EIF2A: variants seen among roughly 807,000 people sequenced by gnomAD.
The protein encoded by EIF2A is eukaryotic translation initiation factor 2A, also known as 65 kDa eukaryotic translation initiation factor 2A.
EIF2A carries 62 observed loss-of-function variants against 75.2 expected under a neutral mutation model. The observed-to-expected ratio is 0.82, with a 90% CI of 0.67 to 1.02. The LOEUF (loss-of-function observed/expected upper bound fraction) is 1.02, where lower values mean the gene tolerates loss of function less well. Ranked by LOEUF, EIF2A falls within the 50% of genes least tolerant of loss-of-function variation. The probability of loss-of-function intolerance (pLI) is 0.00; values close to 1 mark genes in which losing one functional copy is unlikely to be tolerated. For synonymous variants in EIF2A, 207 were observed against 239.0 expected (o/e 0.87, Z 1.23); for missense variants, 611 against 677.7 (o/e 0.90, Z 1.09).
At chr3:150,548,801 T>A (rs1214037836) in intron 1 of EIF2A, among the ~76,000 whole-genome samples, 3 of 152,236 alleles carry the variant, frequency 2.0e-5, no homozygotes, top group Non-Finnish European at 4.4e-5. Context: ...TTCAGTCTAC[T>A]CTTCATATTC....
intron 3 of EIF2A, among the ~76,000 whole-genome samples, chr3:150,562,049 G>A (rs1723900887): frequency 6.6e-6 from 1 of 151,948 alleles, no homozygotes. Context: ...GTGAGCGACT[G>A]CACCTGGCCC....
chr3:150,568,650 G>A (rs946075287), intron 9 of EIF2A, among the ~76,000 whole-genome samples: 46 of 152,090 alleles, frequency 3.0e-4, no homozygotes, highest in Middle Eastern at 3.4e-3. Flanking sequence ...ATGGTGGCTC[G>A]TGCCAGTAAT....
At chr3:150,558,005 C>A (rs770519735) in intron 2 of EIF2A, among the ~76,000 whole-genome samples, 3 of 152,160 alleles carry the variant, frequency 2.0e-5, no homozygotes, top group African/African-American at 7.2e-5. Context: ...ATCTTCACTT[C>A]GGAGATACAG....
intron 12 of EIF2A, among the ~76,000 whole-genome samples, chr3:150,582,278 G>T (rs879733845): frequency 1.6e-4 from 24 of 151,776 alleles, no homozygotes; most frequent in Non-Finnish European, 2.5e-4. Flanking sequence ...TGGGATTTGT[G>T]AGCCTCCTCG....
At chr3:150,581,545 C>G (rs1559887255) in intron 11 of EIF2A, 73 bp from the exon 12 acceptor site, 1 of 1,492,694 alleles carries the variant, frequency 6.7e-7, no homozygotes, top group African/African-American at 1.4e-5. Context: ...TTTCATATGC[C>G]AAAGCTATGT....
chr3:150,554,676 CA>C (rs1307989399), intron 2 of EIF2A, among the ~76,000 whole-genome samples: 2 of 152,200 alleles, frequency 1.3e-5, no homozygotes, highest in African/African-American at 4.8e-5. Flanking sequence ...AGATGATCAT[CA>C]AAAGATGCTG....
chr3:150,583,903 G>A lies in EIF2A; in HGVS notation c.1750G>A (p.Gly584Ser), dbSNP rs1725331049. 3.1e-6 allele frequency: 5 copies of A among 1,613,310 alleles called. No individual in the cohort carries two copies. Among genetic ancestry groups the A allele is most frequent in the Non-Finnish European group, 8.5e-7 (1 of 1,179,654 alleles). ...CCAGGAGCTGGAAGATTTGGAATTGGGTATTTAAAGATTCACGGAAAGCAA... is the reference window on the plus strand; with the variant it reads ...CCAGGAGCTGGAAGATTTGGAATTGAGTATTTAAAGATTCACGGAAAGCAA... ...LLQELEDLEL[G>S]I is the part of the protein sequence containing the mutation. Residue 584 changes from glycine (G) to serine (S), a missense_variant, in exon 14 of 14, where the codon GGT becomes AGT. Coordinates refer to ENST00000460851, the MANE Select transcript of EIF2A (RefSeq NM_032025.5).
At chr3:150,567,604 T>A in intron 6 of EIF2A, 89 bp from the exon 7 acceptor site, 2 of 902,840 alleles carry the variant, frequency 2.2e-6, no homozygotes, top group Non-Finnish European at 1.7e-6. Flanking sequence ...TGGTGTGTAG[T>A]TATAGTGATC....
Position 150,547,872 on chromosome 3 carries a change from T to C in EIF2A, c.28+1042T>C, listed in dbSNP as rs1032538091. On this transcript the variant is annotated intron_variant, in intron 1 of 13. Coordinates refer to ENST00000460851, the MANE Select transcript of EIF2A (RefSeq NM_032025.5). ...TAGATAATATACCAGGCAAAGACTG[T>C]TTAAAAGGCAAAGTTACATAATAAA... 1.6e-4 allele frequency among the ~76,000 whole-genome samples: 25 copies of C among 152,234 alleles called. 1 individual carries two copies.
rs1319357366 is a variant in EIF2A at position 150,585,892 on chromosome 3, T to C, written c.*1981T>C. 6.6e-6 allele frequency among the ~76,000 whole-genome samples: 1 copy of C among 152,196 alleles called. No homozygotes were observed. The highest frequency in any genetic ancestry group is 2.4e-5 in the African/African-American group (1 of 41,454). On this transcript the variant is annotated 3_prime_UTR_variant, in exon 14 of 14. Coordinates refer to ENST00000460851, the MANE Select transcript of EIF2A (RefSeq NM_032025.5). ...TGTCTCTTTGGGCCATGTGAAGACATGGTGAGAAAGCAGCCAGCTGTAAGC... is the reference window on the plus strand; with the variant it reads ...TGTCTCTTTGGGCCATGTGAAGACACGGTGAGAAAGCAGCCAGCTGTAAGC...
At chr3:150,547,623 G>A (rs1723113610) in intron 1 of EIF2A, among the ~76,000 whole-genome samples, 1 of 152,138 alleles carries the variant, frequency 6.6e-6, no homozygotes, top group South Asian at 2.1e-4. Context: ...TAACTATATA[G>A]AAGGAAAAAG....
chr3:150,571,443 T>C (rs993858560), intron 9 of EIF2A, among the ~76,000 whole-genome samples: 6 of 152,192 alleles, frequency 3.9e-5, no homozygotes, highest in African/African-American at 1.4e-4. Flanking sequence ...CCTGGTCTTA[T>C]GTGGCATTTT....
intron 5 of EIF2A, 105 bp downstream of exon 5, chr3:150,563,719 CAAAA>C (rs1724007540): frequency 5.6e-6 from 5 of 897,642 alleles, no homozygotes; most frequent in South Asian, 2.1e-5. Context: ...ACTTATCAGA[CAAAA>C]ATCTACATTT....
chr3:150,566,734 CACA>C (rs1352445326), intron 6 of EIF2A: 5 of 151,736 alleles, frequency 3.3e-5, no homozygotes, highest in Non-Finnish European at 7.4e-5. Context: ...CCACATTATC[CACA>C]AGGTATTCTT....
At chr3:150,582,157 C>T (rs1319764020) in intron 12 of EIF2A, among the ~76,000 whole-genome samples, 2 of 151,428 alleles carry the variant, frequency 1.3e-5, no homozygotes, top group African/African-American at 2.4e-5. Flanking sequence ...TGCGCCACCA[C>T]GCCTGGCTAA....
At chr3:150,564,698 C>A in intron 6 of EIF2A, 1 of 200,840 alleles carries the variant, frequency 5.0e-6, no homozygotes, top group Admixed American at 5.5e-5. Flanking sequence ...TTTTAAACTT[C>A]AGACACCTAG....
intron 3 of EIF2A, among the ~76,000 whole-genome samples, chr3:150,560,510 A>G (rs1723791500): frequency 6.6e-6 from 1 of 152,354 alleles, no homozygotes; most frequent in Admixed American, 6.5e-5. Flanking sequence ...AACAGCAACA[A>G]GAAGAAAACA....
At chr3:150,549,580 C>T (rs1161158690) in intron 1 of EIF2A, among the ~76,000 whole-genome samples, 1 of 152,172 alleles carries the variant, frequency 6.6e-6, no homozygotes, top group East Asian at 1.9e-4. Context: ...CATCTTTAAA[C>T]TGACATTCAA....
chr3:150,547,331 CA>C (rs925545417), intron 1 of EIF2A, among the ~76,000 whole-genome samples: 2 of 152,120 alleles, frequency 1.3e-5, no homozygotes, highest in Admixed American at 6.5e-5. Context: ...ATGCAGGTTT[CA>C]AATGATGAAG....
Sources: allele counts gnomAD v4.1 joint callset (sites outside exome capture counted in the v4.1 genomes callset), GRCh38; gene constraint gnomAD v4.1.1; transcripts MANE v1.5; gene names NCBI Gene and HGNC (gene_info 2026-07-23, HGNC 2026-07-21).